The following SPTBN5 variants were observed in gnomAD, a reference collection of about 807,000 sequenced individuals.
SPTBN5 encodes spectrin beta, non-erythrocytic 5.
Under a neutral mutation model 477.6 loss-of-function variants are expected in SPTBN5, and 513 were observed. The observed-to-expected ratio is 1.07, with a 90% CI of 1.00 to 1.16. SPTBN5 has a LOEUF of 1.16. Ranked by LOEUF, SPTBN5 falls within the 50% of genes most tolerant of loss-of-function variation. The probability of loss-of-function intolerance (pLI) is 0.00; values close to 1 mark genes in which losing one functional copy is unlikely to be tolerated. For missense variants in SPTBN5, 5,062 were observed against 4,731.8 expected (o/e 1.07, Z -2.05); for synonymous variants, 2,169 against 2,011.7 (o/e 1.08, Z -2.09).
rs79768590 is a variant in SPTBN5 at position 41,863,141 on chromosome 15, G to A, written c.7150-238C>T. On this transcript the variant is annotated intron_variant, in intron 41 of 67. Transcript: ENST00000320955. ...CACGTGTGTGCTGCTTCCCTGTACA[G>A]TCTCACTCAACTCTCATCCCTTGAG... Among the ~76,000 whole-genome samples the A allele has an allele frequency of 4.3e-3, 662 of 152,356 alleles. 5 individuals carry two copies. Among genetic ancestry groups the A allele is most frequent in the African/African-American group, 0.015 (617 of 41,578 alleles).
rs148092303 is a variant in SPTBN5 at position 41,857,395 on chromosome 15, C to T, written c.8464G>A (p.Val2822Met). ...CTCTGTGTGCCCAGGAGCTCGCCCA[C>T]CCCAGGCAGGGCCTGGCCCACAGTG... is the stretch of plus-strand genomic sequence containing the variant. ...APTVGQALPG[V>M]GELLGTQREL... The change falls in exon 51 of 68, where the codon GTG becomes ATG. Residue 2822 changes from valine (V) to methionine (M), a missense_variant. Physicochemically the swap from Val to Met is conservative, Grantham distance 21. Transcript: ENST00000320955. The T allele has an allele frequency of 7.6e-6, 12 of 1,588,136 alleles. No homozygotes were observed. The highest frequency in any genetic ancestry group is 8.6e-6 in the Non-Finnish European group (10 of 1,167,332).
chr15:41,882,215 C>A (rs190158350), intron 11 of SPTBN5, 54 bp downstream of exon 11: 54,785 of 1,430,522 alleles, frequency 0.038, 1,268 homozygotes, highest in Admixed American at 0.053. Flanking sequence ...CTGGCACCCC[C>A]ACCCCCGCCT....
rs781729161 is a variant in SPTBN5 at position 41,857,471 on chromosome 15, C to T, written c.8388G>A (p.Met2796Ile). 5 of 1,608,594 alleles carry T rather than the reference C, an allele frequency of 3.1e-6. 1 individual carries two copies. The South Asian group carries it at 3.3e-5, about 11-fold the overall frequency. Residue 2796 changes from methionine (M) to isoleucine (I), a missense_variant, in exon 51 of 68, where the codon ATG (methionine) becomes ATA (isoleucine). Physicochemically the swap from Met to Ile is conservative, Grantham distance 10 (BLOSUM62 1). Transcript: ENST00000320955. ...GCTCCAGCCAGTTCTCCAGTTCCTC[C>T]ATGCTCCGCCGCAGACGCAGGGCCT... ...ACEALRLRRS[M>I]EELENWLEPI...
In SPTBN5 at chr15:41,882,091, G is replaced by C; in HGVS notation, c.2302C>G (p.Leu768Val). The C allele has an allele frequency of 6.4e-7, 1 of 1,574,086 alleles. No homozygotes were observed. Among genetic ancestry groups the C allele is most frequent in the Non-Finnish European group, 8.5e-7 (1 of 1,171,204 alleles). The change falls in exon 12 of 68, where the codon CTG becomes GTG. Residue 768 changes from leucine (L) to valine (V), a missense_variant. Coordinates refer to ENST00000320955, the MANE Select transcript of SPTBN5 (RefSeq NM_016642.4). ...ASWLRERRSSLERASCGQDQA... is the reference protein window; with the variant it reads ...ASWLRERRSSVERASCGQDQA... ...TCCTGACCGCAGGACGCTCTCTCCA[G>C]CGAGGATCGCCGCTCGCGCAGCCAC...
chr15:41,853,698 G>GC lies in SPTBN5; in HGVS notation c.9863dup (p.Leu3289ProfsTer56), dbSNP rs979734066. 9.4e-6 allele frequency: 15 copies of GC among 1,597,622 alleles called. No homozygotes were observed. The highest frequency in any genetic ancestry group is 8.0e-5 in the African/African-American group (6 of 74,762). ...CCCAGGCCTCCTGCACCTTGGCCAG[G>GC]CCCCCCGGAGCTGCAGGATGTAGCT... is the stretch of plus-strand genomic sequence containing the variant. On this transcript the variant is annotated frameshift_variant, in exon 58 of 68. Transcript: ENST00000320955. LOFTEE classifies it high-confidence loss of function.
chr15:41,871,388 G>A lies in SPTBN5; in HGVS notation c.5434C>T (p.Gln1812Ter). 1 of 1,464,458 alleles carries A rather than the reference G, an allele frequency of 6.8e-7. No individual in the cohort carries two copies. Among genetic ancestry groups the A allele is most frequent in the Non-Finnish European group, 9.0e-7 (1 of 1,105,076 alleles). The allele number at this position is 1,464,458 out of a possible 1,614,324, so 90.7% of individuals were successfully genotyped here. A position where few individuals can be genotyped will look rare whatever the true frequency, so the allele number is the denominator to read the frequency against. Reference sequence around the variant, plus strand: ...TTGGGCACTCACTGCAGATCCTGCTGCCTCTGACGGACCATGGGGCCAGCA... The same window carrying A: ...TTGGGCACTCACTGCAGATCCTGCTACCTCTGACGGACCATGGGGCCAGCA... ...HSAGPMVRQR[Q>*]QDLQTAWSEL... Residue 1812 changes from glutamine (Q) to a stop codon, truncating the protein, a stop_gained, in exon 29 of 68, where the codon CAG becomes TAG. Transcript: ENST00000320955. LOFTEE classifies it high-confidence loss of function.
rs1425404693 is a variant in SPTBN5 at position 41,856,833 on chromosome 15, C to A, written c.8808+20G>T. 3.3e-6 allele frequency: 5 copies of A among 1,534,042 alleles called. No homozygotes were observed. Among genetic ancestry groups the A allele is most frequent in the Non-Finnish European group, 4.4e-6 (5 of 1,134,886 alleles). ...GCCCTGCTCATGTGCGAGGCCAGCC[C>A]TCCCCGGGTGGGCCCACACCTGGTG... is the stretch of plus-strand genomic sequence containing the variant. On this transcript the variant is annotated intron_variant, in intron 52 of 67. Transcript: ENST00000320955.
chr15:41,880,011 G>C, intron 14 of SPTBN5, 147 bp from the exon 15 acceptor site: 1 of 1,411,866 alleles, frequency 7.1e-7, no homozygotes, highest in Non-Finnish European at 9.5e-7. Context: ...GAGTCCTTAA[G>C]GGCCAGGAGG....
At chr15:41,871,646 TC>T (rs56023611) in intron 28 of SPTBN5, 126 bp from the exon 29 acceptor site, 47,981 of 1,410,378 alleles carry the variant, frequency 0.034, 972 homozygotes, top group Non-Finnish European at 0.038. Context: ...GTCTGCCCGC[TC>T]CACTGAGGAG....
chr15:41,874,145 A>G, intron 24 of SPTBN5, 100 bp from the exon 25 acceptor site: 2 of 1,508,506 alleles, frequency 1.3e-6, no homozygotes, highest in Non-Finnish European at 8.9e-7. Context: ...CAAGACCCCC[A>G]GGGTCAAAAT....
At chr15:41,868,632 G>C (rs769434247) in intron 32 of SPTBN5, 31 bp from the exon 33 acceptor site, 1 of 1,590,468 alleles carries the variant, frequency 6.3e-7, no homozygotes, top group Non-Finnish European at 8.5e-7. Flanking sequence ...GGAGAGCCGG[G>C]TGAGGGCTGG....
Position 41,881,948 on chromosome 15 carries a change from C to G in SPTBN5, c.2445G>C (p.Ala815=). The change falls in exon 12 of 68, where the codon GCG becomes GCC. Residue 815 remains alanine, a synonymous_variant. Coordinates refer to ENST00000320955, the MANE Select transcript of SPTBN5 (RefSeq NM_016642.4). ...EEQGRAASAR[A]SLFTVNSALS... ...TCCCCGTCCTCACCGTGAATAACGACGCCCGGGCCGAGGCCGCCCGCCCCT... is the reference window on the plus strand; with the variant it reads ...TCCCCGTCCTCACCGTGAATAACGAGGCCCGGGCCGAGGCCGCCCGCCCCT... The G allele has an allele frequency of 1.3e-6, 2 of 1,528,464 alleles. No individual in the cohort carries two copies. The highest frequency in any genetic ancestry group is 5.1e-5 in the East Asian group (2 of 39,220). The allele number at this position is 1,528,464 out of a possible 1,614,324, so 94.7% of individuals were successfully genotyped here.
intron 56 of SPTBN5, among the ~76,000 whole-genome samples, 186 bp from the exon 57 acceptor site, chr15:41,854,391 G>A (rs1349473150): frequency 1.3e-5 from 2 of 151,146 alleles, no homozygotes; most frequent in African/African-American, 4.9e-5. Context: ...ATGGGTCTGC[G>A]GCAGGCCAGG....
intron 29 of SPTBN5, among the ~76,000 whole-genome samples, chr15:41,871,172 T>C (rs764026319): frequency 3.9e-5 from 6 of 152,360 alleles, no homozygotes; most frequent in Middle Eastern, 3.4e-3. Context: ...GACTCTGACC[T>C]GCACACCCAG....
chr15:41,877,890 C>A (rs970478829), intron 17 of SPTBN5, among the ~76,000 whole-genome samples: 3 of 152,222 alleles, frequency 2.0e-5, no homozygotes, highest in African/African-American at 7.2e-5. Context: ...CCTTGCCTGC[C>A]TGCCAGCCCA....
intron 15 of SPTBN5, 108 bp from the exon 16 acceptor site, chr15:41,879,607 T>G (rs2140956463): frequency 1.3e-6 from 2 of 1,557,574 alleles, no homozygotes; most frequent in East Asian, 4.5e-5. Context: ...GGCTGTCCCT[T>G]GCCCCTTCCC....
chr15:41,853,512 TCCC>T, intron 58 of SPTBN5, 65 bp from the exon 59 acceptor site: 5 of 1,536,374 alleles, frequency 3.3e-6, no homozygotes, highest in South Asian at 1.2e-5. Flanking sequence ...AGGGTCCAGC[TCCC>T]CCAAGAGCCA....
chr15:41,874,446 C>G lies in SPTBN5; in HGVS notation c.4535G>C (p.Arg1512Pro). ...CACTGAGGCCTGCAGCTGCAGGCCCCGGATGGCCAGATGCCCCTGCAGAAG... is the reference window on the plus strand; with the variant it reads ...CACTGAGGCCTGCAGCTGCAGGCCCGGGATGGCCAGATGCCCCTGCAGAAG... Reference protein sequence around the residue: ...LELLQGHLAIRGLQLQASVEL... With the variant: ...LELLQGHLAIPGLQLQASVEL... The change falls in exon 24 of 68, where the codon CGG becomes CCG. Residue 1512 changes from arginine (R) to proline (P), a missense_variant. Transcript: ENST00000320955. The G allele has an allele frequency of 6.2e-7, 1 of 1,611,560 alleles. No individual in the cohort carries two copies. The highest frequency in any genetic ancestry group is 8.5e-7 in the Non-Finnish European group (1 of 1,179,218).
chr15:41,862,283 C>T lies in SPTBN5; in HGVS notation c.7395G>A (p.Ala2465=), dbSNP rs747587132. ...LRSRAQKRRE[A]LDALHQAQKL... is the part of the protein sequence containing the mutation. ...TCTGAGCTTGGTGCAAGGCATCCAG[C>T]GCCTCCCTCCTGCCCACAGCGCTCA... Residue 2465 remains alanine (A), a synonymous_variant, in exon 44 of 68, where the codon GCG becomes GCA. Transcript: ENST00000320955. The T allele has an allele frequency of 1.0e-5, 16 of 1,601,370 alleles. No individual in the cohort carries two copies. Among genetic ancestry groups the T allele is most frequent in the South Asian group, 3.3e-5 (3 of 89,744 alleles).
Sources: gnomAD v4.1 joint callset for allele counts (sites outside exome capture counted in the v4.1 genomes callset) on GRCh38, gnomAD v4.1.1 for gene constraint, MANE v1.5 for transcripts, NCBI Gene and HGNC (gene_info 2026-07-23, HGNC 2026-07-21) for gene names.